Variants in SFXN3 observed in about 807,000 individuals in gnomAD.
The protein encoded by SFXN3 is sideroflexin-3.
In SFXN3, 31 loss-of-function variants were observed where a neutral mutation model predicts 40.4. The ratio of observed to expected loss-of-function variants is 0.77; its 90% confidence interval spans 0.58 to 1.04. The LOEUF is 1.04. Ranked by LOEUF, SFXN3 falls within the 50% of genes least tolerant of loss-of-function variation. The pLI is 0.00. For synonymous variants in SFXN3, 157 were observed against 160.0 expected, an observed-to-expected ratio of 0.98 and a Z score of 0.14; for missense variants, 366 against 408.2, an observed-to-expected ratio of 0.90 and a Z score of 0.89.
intron 1 of SFXN3, 65 bp from the exon 2 acceptor site, chr10:101,032,249 C>T (rs1938283406): frequency 1.9e-6 from 1 of 513,890 alleles, no homozygotes; most frequent in Non-Finnish European, 3.5e-6. Context: ...TGGGAAGCAG[C>T]TTAGGGCCTG....
Position 101,039,498 on chromosome 10 carries a change from C to T in SFXN3, c.879C>T (p.His293=). Residue 293 remains histidine, a synonymous_variant, in exon 12 of 12, where the codon CAC becomes CAT. Coordinates refer to ENST00000393459, the Ensembl canonical transcript of SFXN3. This position sits in a 1 kb window ranked among gnomAD's most constrained non-coding sequence, Gnocchi z 4.6. Reference sequence around the variant, plus strand: ...TGCTGTTCTATTGCAGCTCCATACACATAAGCAACCTGGAACCAGAGCTGA... The same window carrying T: ...TGCTGTTCTATTGCAGCTCCATACATATAAGCAACCTGGAACCAGAGCTGA... 6.2e-7 allele frequency: 1 copy of T among 1,614,108 alleles called. No individual in the cohort carries two copies. The highest frequency in any genetic ancestry group is 1.3e-5 in the African/African-American group (1 of 75,030).
At chr10:101,038,263 G>A (rs1265298539) in intron 9 of SFXN3, 1 of 1,151,536 alleles carries the variant, frequency 8.7e-7, no homozygotes, top group Non-Finnish European at 1.1e-6. Context: ...TGCCGAGGAA[G>A]AGATGTGCTT....
chr10:101,037,709 T>C, intron 9 of SFXN3: 1 of 1,387,122 alleles, frequency 7.2e-7, no homozygotes. Context: ...GTCATAGTCA[T>C]GCTTGATCTC....
At chr10:101,038,819 T>C in intron 10 of SFXN3, 127 bp downstream of exon 10, 1 of 1,435,500 alleles carries the variant, frequency 7.0e-7, no homozygotes. Context: ...GGTGTGTGTT[T>C]GGAACAACTA....
At chr10:101,032,447 A>G in exon 2 of SFXN3, 2 of 1,542,250 alleles carry the variant, frequency 1.3e-6, no homozygotes, top group South Asian at 1.2e-5. Flanking sequence ...GCAGAGAGGA[A>G]GGCGGTTCTG....
At position 101,037,435 on chromosome 10, in the gene SFXN3, G is replaced by C. The variant is rs879195869; in HGVS notation, c.771+4G>C. ...GGAGAAGAAAGACTTCCTGAAGGTAGGCGACTGTACCTCTCTTGTCCTGGA... is the reference window on the plus strand; with the variant it reads ...GGAGAAGAAAGACTTCCTGAAGGTACGCGACTGTACCTCTCTTGTCCTGGA... On this transcript the variant is annotated splice_donor_region_variant and intron_variant, in intron 9 of 11. Transcript: ENST00000393459. 10 of 1,614,228 alleles carry C rather than the reference G, an allele frequency of 6.2e-6. No homozygotes were observed. The Admixed American group carries it at 1.7e-4, about 27-fold the overall frequency.
intron 10 of SFXN3, among the ~76,000 whole-genome samples, 191 bp from the exon 11 acceptor site, chr10:101,038,984 C>T (rs1315940869): frequency 6.6e-6 from 1 of 152,082 alleles, no homozygotes; most frequent in Non-Finnish European, 1.5e-5. Flanking sequence ...CTGATTCTGC[C>T]ACTTACTGGT....
chr10:101,034,805 G>A (rs1426479470), exon 3 of SFXN3: 1 of 1,614,194 alleles, frequency 6.2e-7, no homozygotes, highest in Admixed American at 1.7e-5. Context: ...GAAATCTGCT[G>A]CTGTCCGGGG....
Position 101,036,926 on chromosome 10 carries a change from C to A in SFXN3, c.593+118C>A. ...CTCCCCAGACATGAGCTGCTGGGCC[C>A]TGGCTCAGTCTGACCCTGGGATCCT... On this transcript the variant is annotated intron_variant, in intron 7 of 11. Transcript: ENST00000393459. This position sits in a 1 kb window ranked among gnomAD's most constrained non-coding sequence, Gnocchi z 4.2. The A allele has an allele frequency of 1.3e-6, 2 of 1,516,090 alleles. No individual in the cohort carries two copies. Among genetic ancestry groups the A allele is most frequent in the South Asian group, 1.3e-5 (1 of 78,528 alleles). 93.9% of individuals were successfully genotyped at this position (1,516,090 alleles called of 1,614,324 possible).
In SFXN3 at chr10:101,036,189, C is replaced by G; in HGVS notation, c.431+88C>G. 1 of 1,156,890 alleles carries G rather than the reference C, an allele frequency of 8.6e-7. No homozygotes were observed. The highest frequency in any genetic ancestry group is 2.4e-5 in the East Asian group (1 of 42,110). The allele number at this position is 1,156,890 out of a possible 1,614,324, so 71.7% of individuals were successfully genotyped here. ...GTGCCCTCTCCTTTCTCTCCGGTTC[C>G]CTGTGGACCATGCAGCCAGTGCTCA... On this transcript the variant is annotated intron_variant, in intron 5 of 11. Transcript: ENST00000393459. The surrounding 1 kb of genome is among the most constrained non-coding windows in gnomAD (Gnocchi z 4.2).
chr10:101,034,345 G>C (rs556620332), intron 2 of SFXN3, among the ~76,000 whole-genome samples: 1 of 152,198 alleles, frequency 6.6e-6, no homozygotes, highest in Non-Finnish European at 1.5e-5. Context: ...CACATCCCTA[G>C]ATCCCTTAAA....
chr10:101,032,381 G>GCGTCACGCGTGA, exon 2 of SFXN3: 1 of 1,394,382 alleles, frequency 7.2e-7, no homozygotes, highest in Non-Finnish European at 9.5e-7. Context: ...CTGCTGGTCG[G>GCGTCACGCGTGA]CGTCACGCGT....
chr10:101,036,216 C>T lies in SFXN3; in HGVS notation c.431+115C>T, dbSNP rs1938595282. 9 of 917,534 alleles carry T rather than the reference C, an allele frequency of 9.8e-6. No individual in the cohort carries two copies. The highest frequency in any genetic ancestry group is 6.4e-4 in the Middle Eastern group (2 of 3,132). 56.8% of individuals were successfully genotyped at this position (917,534 alleles called of 1,614,324 possible). ...TGTGGACCATGCAGCCAGTGCTCAG[C>T]GCCCTCTCCTCAGCCTGCCCCACCC... On this transcript the variant is annotated intron_variant, in intron 5 of 11. Transcript: ENST00000393459. This position sits in a 1 kb window ranked among gnomAD's most constrained non-coding sequence, Gnocchi z 4.2.
chr10:101,032,625 G>A, intron 2 of SFXN3, 143 bp downstream of exon 2: 4 of 959,726 alleles, frequency 4.2e-6, no homozygotes, highest in Non-Finnish European at 5.9e-6. Context: ...GGAGGTTGGG[G>A]GGAGGAATGT....
At position 101,034,864 on chromosome 10, in the gene SFXN3, C is replaced by A. The variant is rs374666687; in HGVS notation, c.161+9C>A. On this transcript the variant is annotated intron_variant, in intron 3 of 11. Coordinates refer to ENST00000393459, the Ensembl canonical transcript of SFXN3. Reference sequence around the variant, plus strand: ...ATCGTGCAGAACTACAGGTGACCACCCCTCAATCTGACCCTGTGTGCCAGG... The same window carrying A: ...ATCGTGCAGAACTACAGGTGACCACACCTCAATCTGACCCTGTGTGCCAGG... The A allele has an allele frequency of 2.2e-4, 352 of 1,610,814 alleles. No individual in the cohort carries two copies. Among genetic ancestry groups the A allele is most frequent in the Non-Finnish European group, 2.9e-4 (337 of 1,178,230 alleles).
chr10:101,032,776 CTT>C (rs1332622902), intron 2 of SFXN3, among the ~76,000 whole-genome samples: 1 of 152,162 alleles, frequency 6.6e-6, no homozygotes. Flanking sequence ...ATGATAGTGT[CTT>C]TGTGTGTGGG....
chr10:101,032,430 A>T, exon 2 of SFXN3: 1 of 1,510,784 alleles, frequency 6.6e-7, no homozygotes, highest in Non-Finnish European at 8.9e-7. Flanking sequence ...CGGCGGCGAC[A>T]GCGGAGGCAG....
chr10:101,037,714 G>A, intron 9 of SFXN3: 1 of 1,377,692 alleles, frequency 7.3e-7, no homozygotes. Flanking sequence ...AGTCATGCTT[G>A]ATCTCATGCT....
At chr10:101,033,674 T>C (rs530260529) in intron 2 of SFXN3, among the ~76,000 whole-genome samples, 3 of 152,284 alleles carry the variant, frequency 2.0e-5, no homozygotes, top group East Asian at 3.9e-4. Flanking sequence ...ATACCAAGGA[T>C]CTGCACCGGC....
Sources: allele counts gnomAD v4.1 joint callset (sites outside exome capture counted in the v4.1 genomes callset), GRCh38; gene constraint gnomAD v4.1.1; non-coding constraint Gnocchi (gnomAD v3.1); transcripts MANE v1.5; gene names NCBI Gene and HGNC (gene_info 2026-07-23, HGNC 2026-07-21).